RBFOX1: variants seen among roughly 807,000 people sequenced by gnomAD.
The protein encoded by RBFOX1 is RNA binding fox-1 homolog 1.
RBFOX1 carries 8 observed loss-of-function variants against 57.7 expected under a neutral mutation model. The ratio of observed to expected loss-of-function variants is 0.14; its 90% confidence interval spans 0.08 to 0.25. The LOEUF is 0.25. RBFOX1 is among the 10% of genes least tolerant of loss of function. The pLI, the probability that RBFOX1 is intolerant of heterozygous loss-of-function variation, is 1.00. For synonymous variants in RBFOX1, 326 were observed against 222.4 expected (o/e 1.47, Z -4.15); for missense variants, 611 against 548.5 (o/e 1.11, Z -1.14).
At chr16:7,142,842 A>C (rs558403966) in intron 4 of RBFOX1, among the ~76,000 whole-genome samples, 130 of 152,242 alleles carry the variant, frequency 8.5e-4, no homozygotes, top group African/African-American at 3.0e-3. Context: ...GAAAATGGTC[A>C]GCCCTGAGTA....
At chr16:6,968,793 C>T (rs531763150) in intron 3 of RBFOX1, among the ~76,000 whole-genome samples, 1 of 151,834 alleles carries the variant, frequency 6.6e-6, no homozygotes, top group African/African-American at 2.4e-5. Context: ...CCTTCATTAG[C>T]TCAGAATGTA....
chr16:5,528,254 G>A (rs746027992), intron 2 of RBFOX1, among the ~76,000 whole-genome samples: 85 of 152,260 alleles, frequency 5.6e-4, no homozygotes, highest in Middle Eastern at 3.4e-3. Flanking sequence ...AAGCTACGGT[G>A]CCTATCAGTT....
At chr16:7,051,025 A>T (rs776584249) in intron 3 of RBFOX1, among the ~76,000 whole-genome samples, 4 of 152,226 alleles carry the variant, frequency 2.6e-5, no homozygotes, top group African/African-American at 7.2e-5. Context: ...TAAAATATAC[A>T]TCAAAAGTTG....
intron 5 of RBFOX1, among the ~76,000 whole-genome samples, chr16:7,573,134 G>A (rs1374699772): frequency 6.6e-6 from 1 of 152,162 alleles, no homozygotes; most frequent in Non-Finnish European, 1.5e-5. Context: ...TCCAATGGGT[G>A]ACACCTGGGC....
intron 5 of RBFOX1, among the ~76,000 whole-genome samples, chr16:7,545,930 A>G (rs1332675988): frequency 6.6e-6 from 1 of 151,866 alleles, no homozygotes; most frequent in Non-Finnish European, 1.5e-5. Flanking sequence ...CACGTGCAAA[A>G]TCAGATGTGA....
intron 3 of RBFOX1, among the ~76,000 whole-genome samples, chr16:6,798,640 C>A (rs979116427): frequency 6.6e-6 from 1 of 152,158 alleles, no homozygotes; most frequent in Non-Finnish European, 1.5e-5. Context: ...GTTTCTCTGG[C>A]CAAAGCAAAT....
intron 2 of RBFOX1, among the ~76,000 whole-genome samples, chr16:6,649,880 A>G (rs377446314): frequency 2.0e-4 from 30 of 152,178 alleles, no homozygotes; most frequent in African/African-American, 7.2e-4. Context: ...TAGTATTCCA[A>G]TATACCACAC....
chr16:7,611,068 T>A (rs2057378967), intron 10 of RBFOX1, among the ~76,000 whole-genome samples: 3 of 152,212 alleles, frequency 2.0e-5, no homozygotes, highest in African/African-American at 7.2e-5. Flanking sequence ...TATATAAGGT[T>A]GTGTGTTAAT....
chr16:6,804,741 G>T (rs1355471480), intron 3 of RBFOX1, among the ~76,000 whole-genome samples: 1 of 152,254 alleles, frequency 6.6e-6, no homozygotes, highest in Non-Finnish European at 1.5e-5. Flanking sequence ...CTTCATGAGA[G>T]CCCTAGAATG....
intron 1 of RBFOX1, among the ~76,000 whole-genome samples, chr16:6,084,402 T>C (rs957362217): frequency 1.3e-5 from 2 of 151,944 alleles, no homozygotes; most frequent in Non-Finnish European, 2.9e-5. Context: ...AACAAACACG[T>C]CCAGCTATGT....
chr16:6,157,645 A>C (rs941661694), intron 1 of RBFOX1, among the ~76,000 whole-genome samples: 37 of 152,300 alleles, frequency 2.4e-4, no homozygotes, highest in African/African-American at 8.7e-4. Flanking sequence ...TCTAGGTGTA[A>C]TTTATATGCA....
chr16:6,418,668 G>T (rs770734991), intron 2 of RBFOX1, among the ~76,000 whole-genome samples: 1 of 151,896 alleles, frequency 6.6e-6, no homozygotes, highest in South Asian at 2.1e-4. Context: ...GGCTACAGGT[G>T]CATGCCACCA....
intron 3 of RBFOX1, among the ~76,000 whole-genome samples, chr16:6,811,586 C>G (rs541362791): frequency 3.9e-5 from 6 of 152,216 alleles, no homozygotes; most frequent in African/African-American, 1.4e-4. Flanking sequence ...AACCTGGGTG[C>G]TAGCATGGAA....
chr16:6,481,752 T>C (rs1319236900), intron 2 of RBFOX1, among the ~76,000 whole-genome samples: 2 of 152,192 alleles, frequency 1.3e-5, no homozygotes, highest in Admixed American at 1.3e-4. Context: ...CATGGCATCA[T>C]TATTGTGAAA....
intron 2 of RBFOX1, among the ~76,000 whole-genome samples, chr16:6,407,379 C>A (rs895040669): frequency 3.3e-5 from 5 of 151,874 alleles, no homozygotes; most frequent in African/African-American, 9.7e-5. Context: ...ATATCTTTAC[C>A]TATACCTATA....
chr16:6,591,089 T>G (rs915041117), intron 2 of RBFOX1, among the ~76,000 whole-genome samples: 3 of 152,180 alleles, frequency 2.0e-5, no homozygotes, highest in Non-Finnish European at 4.4e-5. Flanking sequence ...GTGCTGTGAT[T>G]ATTCTTAGAT....
intron 4 of RBFOX1, among the ~76,000 whole-genome samples, chr16:7,471,937 A>G (rs2061623544): frequency 6.6e-6 from 1 of 152,114 alleles, no homozygotes. Flanking sequence ...ACCGTTCAAC[A>G]CGGGCTGAAG....
At chr16:5,592,543 G>A (rs142081456) in intron 2 of RBFOX1, among the ~76,000 whole-genome samples, 1,723 of 151,600 alleles carry the variant, frequency 0.011, 40 homozygotes, top group African/African-American at 0.039. Context: ...CAGCCTCCCC[G>A]GTAGCTGGGA....
intron 4 of RBFOX1, among the ~76,000 whole-genome samples, chr16:5,970,154 G>C (rs2059934240): frequency 6.6e-6 from 1 of 152,122 alleles, no homozygotes; most frequent in South Asian, 2.1e-4. Context: ...ACATAGAGGA[G>C]GGTAGCACAG....
Sources: gnomAD v4.1 joint callset for allele counts (sites outside exome capture counted in the v4.1 genomes callset) on GRCh38, gnomAD v4.1.1 for gene constraint, MANE v1.5 for transcripts, NCBI Gene and HGNC (gene_info 2026-07-23, HGNC 2026-07-21) for gene names.